Variants in BCL11A observed in about 807,000 individuals in gnomAD.
BCL11A encodes B cell CLL/lymphoma 11A.
In BCL11A, 2 loss-of-function variants were observed where a neutral mutation model predicts 55.9. The ratio of observed to expected loss-of-function variants is 0.04; its 90% confidence interval spans 0.01 to 0.11. The LOEUF is 0.11. Ranked by LOEUF, BCL11A falls within the 10% of genes least tolerant of loss-of-function variation. BCL11A has a pLI of 1.00. For synonymous variants in BCL11A, 465 were observed against 473.4 expected, an observed-to-expected ratio of 0.98 and a Z score of 0.23; for missense variants, 817 against 1,137.1, an observed-to-expected ratio of 0.72 and a Z score of 4.05.
exon 5 of BCL11A, chr2:60,451,234 C>T (rs2103735244): frequency 4.5e-6 from 1 of 221,938 alleles, no homozygotes; most frequent in Middle Eastern, 1.4e-3. Context: ...GCTATCTTTT[C>T]ACTAAGCTAG....
At chr2:60,494,473 G>A (rs965868808) in intron 2 of BCL11A, among the ~76,000 whole-genome samples, 6 of 152,252 alleles carry the variant, frequency 3.9e-5, no homozygotes, top group East Asian at 1.9e-4. Context: ...GAGTGGAAAC[G>A]GCCCAGAGCT....
chr2:60,483,924 T>C (rs1022132012), intron 2 of BCL11A: 1 of 151,880 alleles, frequency 6.6e-6, no homozygotes, highest in Non-Finnish European at 1.5e-5. Context: ...TGAACCATTA[T>C]AAATGAGTTG....
intron 2 of BCL11A, among the ~76,000 whole-genome samples, chr2:60,477,043 G>T (rs781221086): frequency 1.3e-5 from 2 of 152,196 alleles, no homozygotes; most frequent in Non-Finnish European, 2.9e-5. Context: ...CAAACACCCC[G>T]ATGCCTCCCT....
rs1326906081 is a variant in BCL11A at position 60,460,235 on chromosome 2, A to C, written c.*169T>G. The stretch of plus-strand genomic sequence containing the variant: ...AAAAAAAACAGGTGTGCTGGTGACA[A>C]GCACTCTCATATTCTTAGCTTCGTT... On this transcript the variant is annotated 3_prime_UTR_variant, in exon 4 of 4. Coordinates refer to ENST00000642384, the MANE Select transcript of BCL11A (RefSeq NM_022893.4). 1.5e-6 allele frequency: 2 copies of C among 1,342,464 alleles called. No homozygotes were observed. Among genetic ancestry groups the C allele is most frequent in the Non-Finnish European group, 1.9e-6 (2 of 1,049,034 alleles). 83.2% of individuals were successfully genotyped at this position (1,342,464 alleles called of 1,614,324 possible).
Position 60,499,301 on chromosome 2 carries a change from C to CA in BCL11A, c.386-30469dup, listed in dbSNP as rs1679141839. Among the ~76,000 whole-genome samples, 4 of 152,228 alleles carry CA rather than the reference C, an allele frequency of 2.6e-5. No homozygotes were observed. In the South Asian group the frequency reaches 8.3e-4, roughly 32 times the overall value. ...CAGGGGTGTGACGCCCCTGCCCAGC[C>CA]ATACCCTTCTGGGCCACAGTGCTGG... On this transcript the variant is annotated intron_variant, in intron 2 of 3. Coordinates refer to ENST00000642384, the MANE Select transcript of BCL11A (RefSeq NM_022893.4).
chr2:60,483,133 T>C lies in BCL11A; in HGVS notation c.386-14300A>G, dbSNP rs149776428. Among the ~76,000 whole-genome samples, 398 of 152,298 alleles carry C rather than the reference T, an allele frequency of 2.6e-3. 1 individual carries two copies. Among genetic ancestry groups the C allele is most frequent in the Non-Finnish European group, 4.9e-3 (334 of 68,038 alleles). On this transcript the variant is annotated intron_variant, in intron 2 of 3. Transcript: ENST00000642384. The stretch of plus-strand genomic sequence containing the variant: ...TTCCCATGAATAACTGCAAGGATAG[T>C]GTGGGTAGTTGGAGGAGAATCAACA...
intron 2 of BCL11A, among the ~76,000 whole-genome samples, chr2:60,496,270 C>T (rs1317847610): frequency 1.3e-5 from 2 of 152,234 alleles, no homozygotes; most frequent in African/African-American, 4.8e-5. Context: ...CACGAGGCAA[C>T]ACAGGCTACC....
chr2:60,513,020 C>T (rs928281907), intron 2 of BCL11A, among the ~76,000 whole-genome samples: 65 of 152,244 alleles, frequency 4.3e-4, no homozygotes, highest in African/African-American at 1.5e-3. Flanking sequence ...GACCACACCA[C>T]CACCTCTGGT....
Position 60,459,934 on chromosome 2 carries a change from TTCTC to T in BCL11A, c.*466_*469del, listed in dbSNP as rs1026899119. The T allele has an allele frequency of 2.8e-5, 30 of 1,058,380 alleles. No homozygotes were observed. The East Asian group carries it at 6.3e-4, about 22-fold the overall frequency. The allele number at this position is 1,058,380 out of a possible 1,614,324, so 65.6% of individuals were successfully genotyped here. A position where few individuals can be genotyped will look rare whatever the true frequency, so the allele number is the denominator to read the frequency against. ...ACAGAATGTATGCAGCATGGTCTTT[TTCTC>T]TCTCTCTCTCTTTTTCTCTCAGAAC... On this transcript the variant is annotated 3_prime_UTR_variant, in exon 4 of 4. Coordinates refer to ENST00000642384, the MANE Select transcript of BCL11A (RefSeq NM_022893.4).
rs192013128 is a variant in BCL11A, at chr2:60,541,746, G to T, written c.385+4225C>A. The T allele has an allele frequency of 1.5e-3, 767 of 521,248 alleles. 2 individuals are homozygous for T. Among genetic ancestry groups the T allele is most frequent in the Non-Finnish European group, 2.0e-3 (590 of 292,486 alleles). 32.3% of individuals were successfully genotyped at this position (521,248 alleles called of 1,614,324 possible). ...CAGTATATTGTTTTTTGTGGTAGTG[G>T]TGTTTTTTTGTTTTAACTGCCATGC... On this transcript the variant is annotated intron_variant, in intron 2 of 3. Transcript: ENST00000642384.
At chr2:60,533,502 G>A (rs2556377) in intron 2 of BCL11A, 121,513 of 152,200 alleles carry the variant, frequency 0.8, 48,708 homozygotes, top group Non-Finnish European at 0.84. Flanking sequence ...CTTAAATACC[G>A]GGTCAGCTGA....
intron 2 of BCL11A, among the ~76,000 whole-genome samples, chr2:60,481,661 G>A (rs911586863): frequency 1.3e-5 from 2 of 152,020 alleles, no homozygotes; most frequent in African/African-American, 2.4e-5. Context: ...TTTTCTTGAC[G>A]CTCCACCCCC....
intron 2 of BCL11A, among the ~76,000 whole-genome samples, chr2:60,514,813 G>C (rs1668656700): frequency 1.3e-5 from 2 of 149,452 alleles, no homozygotes; most frequent in South Asian, 4.2e-4. Context: ...ATTGATAAGA[G>C]AGGATTTCCC....
downstream of BCL11A, among the ~76,000 whole-genome samples, chr2:60,453,546 C>A (rs1439080932): frequency 6.6e-6 from 1 of 152,212 alleles, no homozygotes; most frequent in African/African-American, 2.4e-5. Flanking sequence ...AGCAGAGCAG[C>A]GGAGACCTGG....
chr2:60,546,813 A>G lies in BCL11A; in HGVS notation c.56-513T>C, dbSNP rs1670179701. Among the ~76,000 whole-genome samples the G allele has an allele frequency of 6.6e-6, 1 of 152,248 alleles. No homozygotes were observed. The highest frequency in any genetic ancestry group is 6.5e-5 in the Admixed American group (1 of 15,292). On this transcript the variant is annotated intron_variant, in intron 1 of 3. Transcript: ENST00000642384. The surrounding 1 kb of genome is among the most constrained non-coding windows in gnomAD (Gnocchi z 4.1). ...ACACACACCCTTTGTGTGTGAATGTATATACTCCTAAGTAAACAGACATGG... is the reference window on the plus strand; with the variant it reads ...ACACACACCCTTTGTGTGTGAATGTGTATACTCCTAAGTAAACAGACATGG...
chr2:60,522,848 A>T (rs1408435504), intron 2 of BCL11A: 1 of 152,262 alleles, frequency 6.6e-6, no homozygotes. Context: ...TAGATATGTC[A>T]GTTATGTTCC....
downstream of BCL11A, chr2:60,457,176 C>T: frequency 1.1e-6 from 1 of 902,506 alleles, no homozygotes; most frequent in Non-Finnish European, 1.3e-6. Context: ...CAAATGAGGA[C>T]ACAAGAAGCT....
intron 2 of BCL11A, among the ~76,000 whole-genome samples, chr2:60,471,803 G>A (rs958489548): frequency 1.2e-4 from 18 of 152,244 alleles, no homozygotes; most frequent in African/African-American, 3.6e-4. Context: ...GCCCACCCCC[G>A]ATCAGCATCA....
At chr2:60,489,770 C>T (rs957329325) in intron 2 of BCL11A, among the ~76,000 whole-genome samples, 8 of 152,172 alleles carry the variant, frequency 5.3e-5, no homozygotes, top group African/African-American at 1.9e-4. Context: ...ATCAGCCCCC[C>T]TCTCACCCCA....
Sources: allele counts gnomAD v4.1 joint callset (sites outside exome capture counted in the v4.1 genomes callset), GRCh38; gene constraint gnomAD v4.1.1; non-coding constraint Gnocchi (gnomAD v3.1); transcripts MANE v1.5; gene names NCBI Gene and HGNC (gene_info 2026-07-23, HGNC 2026-07-21).